Variants in ELMO1 observed in about 807,000 individuals in gnomAD.
ELMO1 encodes engulfment and cell motility 1.
In ELMO1, 26 loss-of-function variants were observed where a neutral mutation model predicts 98.9. The ratio of observed to expected loss-of-function variants is 0.26; its 90% CI spans 0.19 to 0.36. ELMO1 has a LOEUF of 0.36. Among genes scored for constraint, ELMO1 ranks in the 10% least tolerant of loss-of-function variants. The probability of loss-of-function intolerance (pLI) is 1.00; values close to 1 mark genes in which losing one functional copy is unlikely to be tolerated. For missense variants in ELMO1, 627 were observed against 935.2 expected (o/e 0.67, Z 4.30); for synonymous variants, 346 against 346.0 (o/e 1.00, Z 0.00).
chr7:37,408,446 A>C (rs1329620555), intron 1 of ELMO1, among the ~76,000 whole-genome samples: 1 of 152,228 alleles, frequency 6.6e-6, no homozygotes, highest in Non-Finnish European at 1.5e-5. Context: ...ACCGCAGAGC[A>C]ACATTGGCAC....
intron 6 of ELMO1, among the ~76,000 whole-genome samples, chr7:37,246,878 A>G (rs1360813464): frequency 1.3e-5 from 2 of 151,994 alleles, no homozygotes; most frequent in Admixed American, 6.6e-5. Context: ...CTATCTATCT[A>G]TCTATCTATC....
chr7:37,000,921 A>G (rs1162551207), intron 16 of ELMO1, among the ~76,000 whole-genome samples: 1 of 145,976 alleles, frequency 6.9e-6, no homozygotes, highest in Non-Finnish European at 1.5e-5. Flanking sequence ...ATATACATAT[A>G]TATATGTATA....
intron 16 of ELMO1, among the ~76,000 whole-genome samples, chr7:36,992,198 C>A (rs1791922611): frequency 6.6e-6 from 1 of 152,200 alleles, no homozygotes; most frequent in South Asian, 2.1e-4. Context: ...GATCCCCAAC[C>A]CATGCATTTC....
rs142635489 is a variant in ELMO1, at chr7:36,967,336, C to T, written c.1437+45963G>A. Among the ~76,000 whole-genome samples, 29 of 152,206 alleles carry T rather than the reference C, an allele frequency of 1.9e-4. 1 individual carries two copies. In the East Asian group the frequency reaches 3.1e-3, roughly 16 times the overall value. ...AGGAAGGGTACAAATGGGACAAAAA[C>T]CCATGCTTGAGATGCTTGTTAAAAA... On this transcript the variant is annotated intron_variant, in intron 16 of 21. Coordinates refer to ENST00000310758, the MANE Select transcript of ELMO1 (RefSeq NM_014800.11).
intron 15 of ELMO1, among the ~76,000 whole-genome samples, chr7:37,094,615 A>G (rs947990867): frequency 1.3e-5 from 2 of 152,198 alleles, no homozygotes; most frequent in African/African-American, 4.8e-5. Context: ...CATCAGGGTC[A>G]TGTTTACCCT....
intron 15 of ELMO1, among the ~76,000 whole-genome samples, chr7:37,082,485 C>T (rs57038163): frequency 1.6e-3 from 246 of 152,270 alleles, no homozygotes; most frequent in African/African-American, 5.7e-3. Context: ...AGTCAGCTTG[C>T]TCGAGTCCAG....
intron 19 of ELMO1, among the ~76,000 whole-genome samples, chr7:36,874,497 C>T (rs1011161710): frequency 1.3e-5 from 2 of 152,216 alleles, no homozygotes; most frequent in African/African-American, 2.4e-5. Context: ...CAATAAATGC[C>T]ATTTGCAATT....
chr7:37,403,079 A>G (rs1160070722), intron 1 of ELMO1, among the ~76,000 whole-genome samples: 2 of 152,242 alleles, frequency 1.3e-5, no homozygotes, highest in Non-Finnish European at 2.9e-5. Context: ...AATAAACTGT[A>G]GTATAGATAC....
At chr7:37,037,611 G>A (rs1466031801) in intron 15 of ELMO1, among the ~76,000 whole-genome samples, 1 of 152,164 alleles carries the variant, frequency 6.6e-6, no homozygotes, top group Non-Finnish European at 1.5e-5. Context: ...AGCAAACTCT[G>A]TTCTAAATAA....
In ELMO1 at chr7:37,075,050, G is replaced by A. The variant is rs139694065; in HGVS notation, c.1300+21569C>T. ...CTGGATTGTGTGTGAAGATGTCCAC[G>A]AGCAATAAAAGGTGTGTAACACTTA... On this transcript the variant is annotated intron_variant, in intron 15 of 21. Coordinates refer to ENST00000310758, the MANE Select transcript of ELMO1 (RefSeq NM_014800.11). 9.0e-3 allele frequency among the ~76,000 whole-genome samples: 1,366 copies of A among 152,176 alleles called. 6 individuals are homozygous for A. Among genetic ancestry groups the A allele is most frequent in the Middle Eastern group, 0.014 (4 of 292 alleles).
intron 15 of ELMO1, among the ~76,000 whole-genome samples, chr7:37,074,531 GT>G (rs1444702752): frequency 1.3e-5 from 2 of 152,202 alleles, no homozygotes; most frequent in African/African-American, 4.8e-5. Flanking sequence ...TGTGGCCTGG[GT>G]TCCCAGGAGG....
At chr7:37,276,832 C>T (rs528313018) in intron 4 of ELMO1, among the ~76,000 whole-genome samples, 1 of 152,324 alleles carries the variant, frequency 6.6e-6, no homozygotes, top group East Asian at 1.9e-4. Context: ...CACAAGCATG[C>T]TTTGTATTGG....
At chr7:37,299,221 T>C (rs1407613480) in intron 4 of ELMO1, among the ~76,000 whole-genome samples, 1 of 30,646 alleles carries the variant, frequency 3.3e-5, no homozygotes, top group African/African-American at 8.4e-5. Flanking sequence ...GTCAGATGAG[T>C]AGGTTGTGAA....
chr7:37,323,136 A>G (rs1799609927), intron 2 of ELMO1, among the ~76,000 whole-genome samples: 1 of 152,186 alleles, frequency 6.6e-6, no homozygotes, highest in South Asian at 2.1e-4. Flanking sequence ...TTCACTTTAT[A>G]GTATATTCCG....
At chr7:37,193,212 T>C (rs532660025) in intron 13 of ELMO1, among the ~76,000 whole-genome samples, 1 of 151,982 alleles carries the variant, frequency 6.6e-6, no homozygotes, top group South Asian at 2.1e-4. Context: ...CTTTGACCAC[T>C]TCCCCCCTGG....
chr7:37,272,304 G>A (rs1796604313), intron 4 of ELMO1, among the ~76,000 whole-genome samples: 1 of 152,172 alleles, frequency 6.6e-6, no homozygotes, highest in Non-Finnish European at 1.5e-5. Flanking sequence ...CAATACATAT[G>A]TCCATTACTT....
At chr7:37,147,285 A>T (rs1788046525) in intron 13 of ELMO1, among the ~76,000 whole-genome samples, 1 of 152,106 alleles carries the variant, frequency 6.6e-6, no homozygotes, top group African/African-American at 2.4e-5. Context: ...AGCCCCCTGG[A>T]TTCCCCAGTG....
In ELMO1 at chr7:37,224,864, T is replaced by A; in HGVS notation, c.701+15A>T. 3 of 1,612,962 alleles carry A rather than the reference T, an allele frequency of 1.9e-6. No individual in the cohort carries two copies. The highest frequency in any genetic ancestry group is 2.5e-6 in the Non-Finnish European group (3 of 1,179,250). ...TGAAGCATTTCTCCTCCCCAGAGCA[T>A]CTTGGCATGCTTACCCTTGCAGGTG... On this transcript the variant is annotated intron_variant, in intron 9 of 21. Transcript: ENST00000310758.
chr7:37,022,752 C>T (rs1794341208), intron 15 of ELMO1, among the ~76,000 whole-genome samples: 1 of 152,220 alleles, frequency 6.6e-6, no homozygotes, highest in South Asian at 2.1e-4. Context: ...GAAATGCATA[C>T]ATACGCATTC....
Sources: gnomAD v4.1 joint callset for allele counts (sites outside exome capture counted in the v4.1 genomes callset) on GRCh38, gnomAD v4.1.1 for gene constraint, MANE v1.5 for transcripts, NCBI Gene and HGNC (gene_info 2026-07-23, HGNC 2026-07-21) for gene names.